EPHA6: variants seen among roughly 807,000 people sequenced by gnomAD.
EPHA6 encodes EPH receptor A6.
In EPHA6, 50 loss-of-function variants were observed where a neutral mutation model predicts 112.0. The ratio of observed to expected loss-of-function variants is 0.45; its 90% CI spans 0.36 to 0.56. The LOEUF is 0.56. Among genes scored for constraint, EPHA6 ranks in the 20% least tolerant of loss-of-function variants. The probability of loss-of-function intolerance (pLI) is 0.00; values close to 1 mark genes in which losing one functional copy is unlikely to be tolerated. For synonymous variants in EPHA6, 529 were observed against 490.7 expected, an observed-to-expected ratio of 1.08 and a Z score of -1.03; for missense variants, 1,280 against 1,417.4, an observed-to-expected ratio of 0.90 and a Z score of 1.56.
intron 6 of EPHA6, among the ~76,000 whole-genome samples, chr3:97,424,041 A>G (rs2088893109): frequency 6.6e-6 from 1 of 152,254 alleles, no homozygotes; most frequent in Non-Finnish European, 1.5e-5. Context: ...TATAAAGGAA[A>G]GAGGTTTAAT....
chr3:96,895,080 C>G (rs1195270208), intron 2 of EPHA6, among the ~76,000 whole-genome samples: 1 of 152,146 alleles, frequency 6.6e-6, no homozygotes, highest in Non-Finnish European at 1.5e-5. Flanking sequence ...TCTGGAAGAG[C>G]CTCAGGCAGG....
intron 3 of EPHA6, among the ~76,000 whole-genome samples, chr3:97,155,648 G>A (rs958738717): frequency 1.3e-5 from 2 of 152,094 alleles, no homozygotes; most frequent in Non-Finnish European, 2.9e-5. Flanking sequence ...AAGCTCTGGG[G>A]AGAATCTGCT....
intron 12 of EPHA6, among the ~76,000 whole-genome samples, chr3:97,602,192 TA>T (rs1421657897): frequency 1.3e-5 from 2 of 152,070 alleles, no homozygotes; most frequent in African/African-American, 4.8e-5. Flanking sequence ...AATATTAATA[TA>T]ATATAAAACA....
chr3:97,234,950 A>G (rs1559817083), intron 4 of EPHA6, among the ~76,000 whole-genome samples: 1 of 152,058 alleles, frequency 6.6e-6, no homozygotes, highest in Non-Finnish European at 1.5e-5. Context: ...ACTCCCCTTG[A>G]TTACCAAACT....
intron 5 of EPHA6, among the ~76,000 whole-genome samples, chr3:97,321,397 T>C (rs547185090): frequency 1.1e-4 from 16 of 151,724 alleles, no homozygotes; most frequent in East Asian, 9.7e-4. Flanking sequence ...TAGTTTCTGC[T>C]AGTCGGGAAG....
At chr3:97,304,055 G>C (rs1360205748) in intron 5 of EPHA6, among the ~76,000 whole-genome samples, 1 of 151,822 alleles carries the variant, frequency 6.6e-6, no homozygotes, top group Non-Finnish European at 1.5e-5. Context: ...TCTATTGTTG[G>C]TGTATACAAA....
chr3:97,136,341 T>C (rs978777871), intron 3 of EPHA6, among the ~76,000 whole-genome samples: 2 of 152,138 alleles, frequency 1.3e-5, no homozygotes, highest in African/African-American at 2.4e-5. Context: ...ACTATCACAA[T>C]AAGACAGTAA....
At chr3:96,981,652 G>A (rs1288425963) in intron 2 of EPHA6, among the ~76,000 whole-genome samples, 1 of 152,050 alleles carries the variant, frequency 6.6e-6, no homozygotes, top group Non-Finnish European at 1.5e-5. Flanking sequence ...TTGTACCTCT[G>A]ACAGAATTCT....
At chr3:97,105,474 T>C (rs1199461936) in intron 3 of EPHA6, among the ~76,000 whole-genome samples, 1 of 152,184 alleles carries the variant, frequency 6.6e-6, no homozygotes, top group East Asian at 1.9e-4. Context: ...AGCAATTGTT[T>C]AAGTCTTGAT....
At chr3:97,578,801 C>T (rs1051865745) in intron 11 of EPHA6, among the ~76,000 whole-genome samples, 12 of 152,214 alleles carry the variant, frequency 7.9e-5, no homozygotes, top group African/African-American at 2.9e-4. Flanking sequence ...GGAACTAAAA[C>T]TTCTGTTTCA....
Position 97,673,434 on chromosome 3 carries a change from T to C in EPHA6, c.2784+35352T>C, listed in dbSNP as rs372526874. Among the ~76,000 whole-genome samples, 33 of 152,312 alleles carry C rather than the reference T, an allele frequency of 2.2e-4. No homozygotes were observed. In the South Asian group the frequency reaches 2.5e-3, roughly 11 times the overall value. ...TGGATATATCCCCATTCACTTTTCA[T>C]TTGTGGAAGATGAGGTGAATTCACA... is the stretch of plus-strand genomic sequence containing the variant. On this transcript the variant is annotated intron_variant, in intron 14 of 17. Transcript: ENST00000389672.
intron 2 of EPHA6, among the ~76,000 whole-genome samples, chr3:96,911,452 T>C (rs933626467): frequency 2.0e-5 from 3 of 152,052 alleles, no homozygotes; most frequent in African/African-American, 7.2e-5. Context: ...TAGGTAGATA[T>C]AGTAAAATAT....
chr3:97,286,026 T>C (rs1211985432), intron 5 of EPHA6, among the ~76,000 whole-genome samples: 1 of 152,202 alleles, frequency 6.6e-6, no homozygotes, highest in Non-Finnish European at 1.5e-5. Flanking sequence ...GCCATTTGTA[T>C]GTCCTGATTT....
chr3:97,056,574 T>C (rs543807694), intron 3 of EPHA6, among the ~76,000 whole-genome samples: 1 of 152,126 alleles, frequency 6.6e-6, no homozygotes, highest in African/African-American at 2.4e-5. Flanking sequence ...ACGCCAGAAG[T>C]AGAAAAATGT....
intron 11 of EPHA6, among the ~76,000 whole-genome samples, chr3:97,555,703 T>C (rs1289441335): frequency 1.3e-5 from 2 of 152,120 alleles, no homozygotes; most frequent in Non-Finnish European, 2.9e-5. Flanking sequence ...TTTCATGTGT[T>C]TTTTGGCTGC....
intron 5 of EPHA6, among the ~76,000 whole-genome samples, chr3:97,347,859 A>C (rs1248437331): frequency 1.3e-5 from 2 of 152,094 alleles, no homozygotes; most frequent in Non-Finnish European, 2.9e-5. Flanking sequence ...ATTAAAGTGC[A>C]ACATAAATCT....
rs532000278 is a variant in EPHA6 at position 97,221,976 on chromosome 3, C to T, written c.1115-4288C>T. On this transcript the variant is annotated intron_variant, in intron 3 of 17. Transcript: ENST00000389672. ...TCTGGGTGCAGAAGTTTCAGTGAGC[C>T]GAGATCGCACCACTGCACTCCAGCC... 8.5e-4 allele frequency among the ~76,000 whole-genome samples: 128 copies of T among 150,506 alleles called. 1 individual carries two copies. The South Asian group carries it at 0.014, about 17-fold the overall frequency.
intron 1 of EPHA6, among the ~76,000 whole-genome samples, chr3:96,836,275 CAT>C (rs1429842941): frequency 6.6e-6 from 1 of 152,074 alleles, no homozygotes; most frequent in Non-Finnish European, 1.5e-5. Context: ...CATGGGGAAA[CAT>C]ATGAAGAAGC....
chr3:97,710,563 C>T (rs1398203858), intron 14 of EPHA6, among the ~76,000 whole-genome samples: 1 of 152,128 alleles, frequency 6.6e-6, no homozygotes, highest in Non-Finnish European at 1.5e-5. Flanking sequence ...GAAGGTTGTT[C>T]CCTCTGTTTT....
Sources: gnomAD v4.1 joint callset for allele counts (sites outside exome capture counted in the v4.1 genomes callset) on GRCh38, gnomAD v4.1.1 for gene constraint, MANE v1.5 for transcripts, NCBI Gene and HGNC (gene_info 2026-07-23, HGNC 2026-07-21) for gene names.